The following EXTL3 variants were observed in gnomAD, a reference collection of about 807,000 sequenced individuals.
EXTL3 encodes exostosin like glycosyltransferase 3.
In EXTL3, 27 loss-of-function variants were observed where a neutral mutation model predicts 69.3. The observed-to-expected ratio is 0.39, with a 90% CI of 0.29 to 0.54. The LOEUF (loss-of-function observed/expected upper bound fraction) is 0.54. Ranked by LOEUF, EXTL3 falls within the 20% of genes least tolerant of loss-of-function variation. EXTL3 has a pLI of 0.69. For missense variants in EXTL3, 1,003 were observed against 1,231.8 expected (o/e 0.81, Z 2.78); for synonymous variants, 511 against 499.4 (o/e 1.02, Z -0.31).
intron 1 of EXTL3, among the ~76,000 whole-genome samples, chr8:28,671,804 A>T (rs2130643135): frequency 6.6e-6 from 1 of 152,326 alleles, no homozygotes; most frequent in African/African-American, 2.4e-5. Context: ...TAGAAAAATA[A>T]CATTGTGGGC....
chr8:28,744,771 T>C (rs1273536833), intron 6 of EXTL3, among the ~76,000 whole-genome samples: 5 of 145,164 alleles, frequency 3.4e-5, no homozygotes, highest in Non-Finnish European at 3.0e-5. Context: ...CCAGCCTGGG[T>C]GACAGAGCGA....
intron 1 of EXTL3, among the ~76,000 whole-genome samples, chr8:28,679,903 C>G (rs1273177354): frequency 6.6e-6 from 1 of 152,102 alleles, no homozygotes; most frequent in Admixed American, 6.6e-5. Context: ...AGCTGTCAGT[C>G]TAATAGAATA....
intron 1 of EXTL3, among the ~76,000 whole-genome samples, chr8:28,694,637 CTAA>C (rs1310689713): frequency 1.4e-5 from 2 of 146,364 alleles, no homozygotes; most frequent in African/African-American, 4.9e-5. Context: ...TGACAAAGGA[CTAA>C]TAATGGTCCT....
upstream of EXTL3, among the ~76,000 whole-genome samples, chr8:28,621,592 G>T (rs1252846942): frequency 3.9e-5 from 6 of 152,196 alleles, no homozygotes; most frequent in African/African-American, 1.2e-4. Context: ...AAGCAAAATT[G>T]TCATAGTTCC....
Position 28,716,399 on chromosome 8 carries a change from A to T in EXTL3, c.340A>T (p.Ile114Phe). The change falls in exon 3 of 7, where the codon ATC becomes TTC. Residue 114 changes from isoleucine (I) to phenylalanine (F), a missense_variant. Coordinates refer to ENST00000220562, the MANE Select transcript of EXTL3 (RefSeq NM_001440.4). This position sits in a 1 kb window ranked among gnomAD's most constrained non-coding sequence, Gnocchi z 7.1. The part of the protein sequence containing the change: ...NSEIAKLNLK[I>F]EACKKSIENA... ...CGAGATCGCCAAGCTGAATCTGAAGATCGAAGCCTGTAAGAAGAGCATTGA... is the reference window on the plus strand; with the variant it reads ...CGAGATCGCCAAGCTGAATCTGAAGTTCGAAGCCTGTAAGAAGAGCATTGA... The T allele has an allele frequency of 1.2e-6, 2 of 1,613,892 alleles. No individual in the cohort carries two copies. Among genetic ancestry groups the T allele is most frequent in the South Asian group, 2.2e-5 (2 of 91,070 alleles).
At chr8:28,735,354 CT>C (rs2130780071) in intron 4 of EXTL3, among the ~76,000 whole-genome samples, 1 of 152,298 alleles carries the variant, frequency 6.6e-6, no homozygotes, top group South Asian at 2.1e-4. Flanking sequence ...AGGAGCCCAG[CT>C]TTAAGGAGTT....
chr8:28,609,891 A>G (rs2130528349), intron 2 of EXTL3, among the ~76,000 whole-genome samples: 1 of 137,372 alleles, frequency 7.3e-6, no homozygotes, highest in East Asian at 2.0e-4. Flanking sequence ...CACTGGCTCA[A>G]AAAAATAATT....
intron 1 of EXTL3, among the ~76,000 whole-genome samples, chr8:28,640,627 AG>A (rs1183534018): frequency 1.3e-5 from 2 of 152,142 alleles, no homozygotes; most frequent in African/African-American, 2.4e-5. Context: ...TTTTGAGACA[AG>A]GTCTTGCTTT....
At chr8:28,694,225 T>C (rs1157423861) in intron 1 of EXTL3, among the ~76,000 whole-genome samples, 2 of 152,228 alleles carry the variant, frequency 1.3e-5, no homozygotes, top group African/African-American at 4.8e-5. Flanking sequence ...AAGAGAGCAT[T>C]TGCTGAAATC....
chr8:28,710,427 T>G (rs1271883157), intron 1 of EXTL3: 1 of 455,498 alleles, frequency 2.2e-6, no homozygotes, highest in Non-Finnish European at 4.4e-6. Context: ...GCAGGAAGTG[T>G]AAAATGCAGA....
chr8:28,611,718 G>A (rs1315424439), intron 2 of EXTL3, among the ~76,000 whole-genome samples: 3 of 152,194 alleles, frequency 2.0e-5, no homozygotes, highest in Non-Finnish European at 4.4e-5. Flanking sequence ...TTCTGTCAGA[G>A]CCACTTTGCT....
At chr8:28,740,793 G>T (rs1801761404) in intron 5 of EXTL3, 1 of 151,958 alleles carries the variant, frequency 6.6e-6, no homozygotes. Flanking sequence ...ATATTTTTTA[G>T]AGGTTGAAAT....
In EXTL3 at chr8:28,716,684, T is replaced by C; in HGVS notation, c.625T>C (p.Tyr209His). 6.2e-7 allele frequency: 1 copy of C among 1,614,222 alleles called. No individual in the cohort carries two copies. The highest frequency in any genetic ancestry group is 8.5e-7 in the Non-Finnish European group (1 of 1,180,036). The change falls in exon 3 of 7, where the codon TAC becomes CAC. Residue 209 changes from tyrosine (Y) to histidine (H), a missense_variant. By Grantham distance (83) the Tyr-to-His change is moderately conservative. Around this residue, in one of 2 missense-constraint regions of EXTL3, gnomAD observed 742 missense variants for 815.4 expected, o/e 0.91. Coordinates refer to ENST00000220562, the MANE Select transcript of EXTL3 (RefSeq NM_001440.4). This position sits in a 1 kb window ranked among gnomAD's most constrained non-coding sequence, Gnocchi z 7.1. ...YDSDQFVFGS[Y>H]LDPLVKQAFQ... ...CAGTGACCAGTTTGTCTTTGGCAGC[T>C]ACCTGGATCCCTTGGTCAAGCAGGC... is the stretch of plus-strand genomic sequence containing the variant.
At chr8:28,620,166 C>T (rs2130540900), upstream of EXTL3, among the ~76,000 whole-genome samples, 1 of 152,028 alleles carries the variant, frequency 6.6e-6, no homozygotes, top group Admixed American at 6.6e-5. Flanking sequence ...AGCCACCGCG[C>T]CTGGCCGGCT....
chr8:28,720,590 T>A (rs1801273825), intron 3 of EXTL3, among the ~76,000 whole-genome samples: 1 of 152,168 alleles, frequency 6.6e-6, no homozygotes, highest in Non-Finnish European at 1.5e-5. Flanking sequence ...AGAGTGAAGG[T>A]GATCTTTATT....
At chr8:28,739,192 T>C (rs1190317013) in intron 5 of EXTL3, among the ~76,000 whole-genome samples, 2 of 152,228 alleles carry the variant, frequency 1.3e-5, no homozygotes, top group African/African-American at 4.8e-5. Flanking sequence ...CTCAGACACT[T>C]CAGGTAAACT....
At chr8:28,677,189 A>G (rs1201646141) in intron 1 of EXTL3, among the ~76,000 whole-genome samples, 1 of 152,182 alleles carries the variant, frequency 6.6e-6, no homozygotes, top group African/African-American at 2.4e-5. Context: ...AAATGAAAGC[A>G]CCAGAGATGT....
intron 1 of EXTL3, among the ~76,000 whole-genome samples, chr8:28,658,931 A>G (rs1269904135): frequency 6.6e-6 from 1 of 152,216 alleles, no homozygotes. Flanking sequence ...TGTATGTAGC[A>G]CAATGTATTT....
At chr8:28,654,581 A>G (rs954746919) in intron 1 of EXTL3, among the ~76,000 whole-genome samples, 3 of 152,128 alleles carry the variant, frequency 2.0e-5, no homozygotes, top group Admixed American at 1.3e-4. Context: ...TATGTTGCCC[A>G]GGCTGGGGAG....
Sources: gnomAD v4.1 joint callset for allele counts (sites outside exome capture counted in the v4.1 genomes callset) on GRCh38, gnomAD v4.1.1 for gene constraint, gnomAD v4.1.1 regional missense constraint, Gnocchi (gnomAD v3.1) non-coding constraint, MANE v1.5 for transcripts, NCBI Gene and HGNC (gene_info 2026-07-23, HGNC 2026-07-21) for gene names.